The following TMC7 variants were observed in gnomAD, a reference collection of about 807,000 sequenced individuals.
TMC7 encodes transmembrane channel like 7.
Under a neutral mutation model 82.9 loss-of-function variants are expected in TMC7, and 54 were observed. That is an observed-to-expected ratio of 0.65 (90% CI 0.52 to 0.82). The LOEUF is 0.82. Ranked by LOEUF, TMC7 falls within the 40% of genes least tolerant of loss-of-function variation. The pLI is 0.00. For missense variants in TMC7, 820 were observed against 901.2 expected, an observed-to-expected ratio of 0.91 and a Z score of 1.15; for synonymous variants, 350 against 337.9, an observed-to-expected ratio of 1.04 and a Z score of -0.39.
At position 18,988,818 on chromosome 16, in the gene TMC7, G is replaced by A. The variant is rs146378917; in HGVS notation, c.67+4688G>A. Among the ~76,000 whole-genome samples the A allele has an allele frequency of 3.4e-3, 515 of 152,272 alleles. 3 individuals are homozygous for A. The highest frequency in any genetic ancestry group is 0.012 in the African/African-American group (490 of 41,558). ...TAATCCCAGCACTCTGGGATGCCGA[G>A]GCTGGTGGATCACCTGAGGTCAGGA... On this transcript the variant is annotated intron_variant, in intron 1 of 15. Coordinates refer to ENST00000304381, the MANE Select transcript of TMC7 (RefSeq NM_024847.4).
At chr16:19,059,890 T>G in intron 15 of TMC7, 1 of 473,622 alleles carries the variant, frequency 2.1e-6, no homozygotes, top group South Asian at 2.1e-5. Flanking sequence ...GGCAGGAGAA[T>G]CCCTTGAACT....
chr16:19,031,013 T>C (rs945372459), intron 6 of TMC7, among the ~76,000 whole-genome samples: 7 of 152,192 alleles, frequency 4.6e-5, no homozygotes, highest in African/African-American at 1.2e-4. Context: ...CTGAGGGTTA[T>C]TGAGTGGCTC....
chr16:19,037,754 T>G (rs1275125454), intron 7 of TMC7, 120 bp from the exon 8 acceptor site: 1 of 1,091,042 alleles, frequency 9.2e-7, no homozygotes, highest in African/African-American at 1.6e-5. Flanking sequence ...GTTACAGGAG[T>G]GAGCCACCAT....
chr16:19,059,865 T>C (rs1961929865), intron 15 of TMC7: 1 of 519,878 alleles, frequency 1.9e-6, no homozygotes, highest in Middle Eastern at 5.6e-4. Flanking sequence ...TAATCCCAGC[T>C]ACTTGGGAGG....
In TMC7 at chr16:19,001,049, G is replaced by T. The variant is rs576576450; in HGVS notation, c.68-8123G>T. ...ACCAAACAAAACAACAAAATGTTTTGTATTGTGAAAAAAATACATCATTCA... is the reference window on the plus strand; with the variant it reads ...ACCAAACAAAACAACAAAATGTTTTTTATTGTGAAAAAAATACATCATTCA... On this transcript the variant is annotated intron_variant, in intron 1 of 15. Transcript: ENST00000304381. 1.3e-4 allele frequency among the ~76,000 whole-genome samples: 20 copies of T among 152,194 alleles called. No homozygotes were observed. The East Asian group carries it at 3.5e-3, about 26-fold the overall frequency.
intron 1 of TMC7, chr16:18,984,359 C>G: frequency 7.7e-7 from 1 of 1,294,078 alleles, no homozygotes; most frequent in Non-Finnish European, 9.8e-7. Context: ...CAAAAGGACA[C>G]GAGAACTGCA....
rs1961911935 is a variant in TMC7, at chr16:19,059,509, C to T, written c.2106+15C>T. 1 of 1,614,016 alleles carries T rather than the reference C, an allele frequency of 6.2e-7. No individual in the cohort carries two copies. The highest frequency in any genetic ancestry group is 1.3e-5 in the African/African-American group (1 of 74,914). ...AGCTATCCCTGGTAAGGAAGCATAG[C>T]TCCAGAGGGTCATGGCTGGGGACAT... is the stretch of plus-strand genomic sequence containing the variant. On this transcript the variant is annotated intron_variant, in intron 15 of 15. Coordinates refer to ENST00000304381, the MANE Select transcript of TMC7 (RefSeq NM_024847.4).
chr16:19,035,766 C>T lies in TMC7; in HGVS notation c.948C>T (p.Cys316=). 1 of 1,613,060 alleles carries T rather than the reference C, an allele frequency of 6.2e-7. No individual in the cohort carries two copies. Among genetic ancestry groups the T allele is most frequent in the South Asian group, 1.1e-5 (1 of 90,918 alleles). Reference sequence around the variant, plus strand: ...AGATATTTGCCGGCTGGGACTTCTGCATCACTAACCGCAGCATGGCGGATC... The same window carrying T: ...AGATATTTGCCGGCTGGGACTTCTGTATCACTAACCGCAGCATGGCGGATC... The part of the protein sequence containing the change: ...CNKIFAGWDF[C]ITNRSMADLK... The change falls in exon 7 of 16, where the codon TGC becomes TGT. Residue 316 remains cysteine (C), a synonymous_variant. Coordinates refer to ENST00000304381, the MANE Select transcript of TMC7 (RefSeq NM_024847.4).
chr16:18,991,950 T>A (rs916862173), intron 1 of TMC7, among the ~76,000 whole-genome samples: 16 of 152,364 alleles, frequency 1.1e-4, no homozygotes, highest in African/African-American at 3.8e-4. Flanking sequence ...GGCTGCATAG[T>A]ATTCCATGGT....
intron 1 of TMC7, among the ~76,000 whole-genome samples, chr16:18,988,206 G>GGTTCTGT (rs2038887790): frequency 1.4e-5 from 2 of 147,096 alleles, no homozygotes; most frequent in Non-Finnish European, 3.0e-5. Context: ...CCAGGCTGGA[G>GGTTCTGT]TGCAATGGTG....
chr16:19,037,731 C>A, intron 7 of TMC7, 143 bp from the exon 8 acceptor site: 2 of 827,348 alleles, frequency 2.4e-6, no homozygotes, highest in Non-Finnish European at 3.6e-6. Context: ...CCTTGGCCTG[C>A]CACGGTGCTA....
At chr16:19,058,039 C>T (rs1961848263) in intron 14 of TMC7, among the ~76,000 whole-genome samples, 1 of 151,458 alleles carries the variant, frequency 6.6e-6, no homozygotes, top group Admixed American at 6.6e-5. Context: ...TCCTGAGTAG[C>T]TGGGACACCA....
intron 5 of TMC7, among the ~76,000 whole-genome samples, chr16:19,023,486 G>A (rs989174696): frequency 3.9e-5 from 6 of 152,020 alleles, no homozygotes; most frequent in South Asian, 2.1e-4. Context: ...TCGCTCCGTC[G>A]CCCAGGCTGG....
In TMC7 at chr16:19,029,580, G is replaced by A. The variant is rs187541610; in HGVS notation, c.712-644G>A. Among the ~76,000 whole-genome samples the A allele has an allele frequency of 3.4e-3, 509 of 151,560 alleles. 3 individuals are homozygous for A. Among genetic ancestry groups the A allele is most frequent in the African/African-American group, 0.012 (483 of 41,310 alleles). On this transcript the variant is annotated intron_variant, in intron 5 of 15. Transcript: ENST00000304381. ...GTAGAGATAGGGATCTCTCTGTGTT[G>A]CCCAGGCTTGTCTGAAACTCCTGGG...
chr16:19,001,491 G>A (rs1305088620), intron 1 of TMC7, among the ~76,000 whole-genome samples: 2 of 152,100 alleles, frequency 1.3e-5, no homozygotes, highest in African/African-American at 4.8e-5. Flanking sequence ...GACTAGCCTG[G>A]GCAACATAAC....
At chr16:19,001,501 C>A (rs1302792482) in intron 1 of TMC7, among the ~76,000 whole-genome samples, 1 of 152,228 alleles carries the variant, frequency 6.6e-6, no homozygotes, top group East Asian at 1.9e-4. Context: ...GGCAACATAA[C>A]GAGACCTCAT....
intron 1 of TMC7, 198 bp downstream of exon 1, chr16:18,984,328 T>G (rs775985854): frequency 2.0e-5 from 26 of 1,300,986 alleles, no homozygotes; most frequent in Non-Finnish European, 2.5e-5. Context: ...CCTCATCCAA[T>G]CCAGTGGAAC....
At chr16:18,987,053 C>T (rs1000274600) in intron 1 of TMC7, among the ~76,000 whole-genome samples, 3 of 152,146 alleles carry the variant, frequency 2.0e-5, no homozygotes, top group African/African-American at 7.2e-5. Context: ...GATCCGCCCG[C>T]CTGGGCCTCC....
intron 9 of TMC7, among the ~76,000 whole-genome samples, chr16:19,042,594 G>A (rs1961066553): frequency 6.7e-6 from 1 of 150,056 alleles, no homozygotes; most frequent in South Asian, 2.1e-4. Context: ...TGCAAGCTCC[G>A]CCTCCCGGGT....
Sources: gnomAD v4.1 joint callset for allele counts (sites outside exome capture counted in the v4.1 genomes callset) on GRCh38, gnomAD v4.1.1 for gene constraint, MANE v1.5 for transcripts, NCBI Gene and HGNC (gene_info 2026-07-23, HGNC 2026-07-21) for gene names.